RBFOX1: variants seen among roughly 807,000 people sequenced by gnomAD.
The protein encoded by RBFOX1 is RNA binding protein fox-1 homolog 1.
A neutral mutation model predicts 57.7 loss-of-function variants in RBFOX1; 8 were observed. The observed-to-expected ratio is 0.14, with a 90% CI of 0.08 to 0.25. RBFOX1 has a LOEUF of 0.25. Among genes scored for constraint, RBFOX1 ranks in the 10% least tolerant of loss-of-function variants. The pLI, the probability that RBFOX1 is intolerant of heterozygous loss-of-function variation, is 1.00. For synonymous variants in RBFOX1, 326 were observed against 222.4 expected, an observed-to-expected ratio of 1.47 and a Z score of -4.15; for missense variants, 611 against 548.5, an observed-to-expected ratio of 1.11 and a Z score of -1.14.
intron 4 of RBFOX1, among the ~76,000 whole-genome samples, chr16:5,984,979 T>A (rs1440777974): frequency 0.01 from 539 of 52,954 alleles, no homozygotes; most frequent in African/African-American, 0.024. Flanking sequence ...TATATATATT[T>A]TTTTTTTTTT....
intron 2 of RBFOX1, among the ~76,000 whole-genome samples, chr16:6,557,078 TATATACATAC>T (rs1173241809): frequency 3.2e-4 from 47 of 147,092 alleles, no homozygotes; most frequent in African/African-American, 1.1e-3. Context: ...CATATATACA[TATATACATAC>T]ATATACATAT....
At chr16:6,242,591 G>T (rs1427593042) in intron 1 of RBFOX1, among the ~76,000 whole-genome samples, 1 of 145,464 alleles carries the variant, frequency 6.9e-6, no homozygotes, top group Non-Finnish European at 1.5e-5. Context: ...TGCTTGTTAG[G>T]CATTTACGTT....
Position 7,303,909 on chromosome 16 carries a change from G to T in RBFOX1, c.28-214238G>T, listed in dbSNP as rs897627791. 1.4e-5 allele frequency among the ~76,000 whole-genome samples: 2 copies of T among 148,062 alleles called. 1 individual carries two copies. Among genetic ancestry groups the T allele is most frequent in the African/African-American group, 4.9e-5 (2 of 40,510 alleles). On this transcript the variant is annotated intron_variant, in intron 4 of 15. Coordinates refer to ENST00000550418, the MANE Select transcript of RBFOX1 (RefSeq NM_018723.4). ...CATTCAGCCTCTTCGGGAGGGCAGC[G>T]CATCCCCTGCCCCTTCCAGAGAAGT...
At chr16:7,118,102 G>C (rs962946295) in intron 4 of RBFOX1, among the ~76,000 whole-genome samples, 5 of 152,122 alleles carry the variant, frequency 3.3e-5, no homozygotes, top group African/African-American at 1.2e-4. Context: ...CCAGTAGTGG[G>C]ATTAACTGGA....
intron 3 of RBFOX1, among the ~76,000 whole-genome samples, chr16:6,933,365 A>C (rs1199019678): frequency 6.6e-6 from 1 of 152,208 alleles, no homozygotes; most frequent in African/African-American, 2.4e-5. Flanking sequence ...GCAGTGCACA[A>C]GGGTTCCAAT....
intron 3 of RBFOX1, among the ~76,000 whole-genome samples, chr16:6,933,228 T>C (rs1037084075): frequency 6.6e-6 from 1 of 152,216 alleles, no homozygotes; most frequent in Non-Finnish European, 1.5e-5. Context: ...TCAGAGTCCC[T>C]GCTTTCAGTT....
At chr16:7,150,642 T>C (rs1000680110) in intron 4 of RBFOX1, among the ~76,000 whole-genome samples, 1 of 152,154 alleles carries the variant, frequency 6.6e-6, no homozygotes, top group African/African-American at 2.4e-5. Flanking sequence ...ACGACTGCTG[T>C]CTCCTCCAGG....
At chr16:6,569,259 C>A (rs1428100735) in intron 2 of RBFOX1, among the ~76,000 whole-genome samples, 2 of 152,152 alleles carry the variant, frequency 1.3e-5, no homozygotes, top group Non-Finnish European at 2.9e-5. Flanking sequence ...CAAAGTTAGC[C>A]TCTCAAAACA....
intron 2 of RBFOX1, among the ~76,000 whole-genome samples, chr16:5,472,066 C>G (rs544174234): frequency 6.6e-6 from 1 of 152,246 alleles, no homozygotes; most frequent in South Asian, 2.1e-4. Context: ...TGACTTCTGA[C>G]GGATGCTCTT....
chr16:6,519,633 G>A (rs2096461307), intron 2 of RBFOX1, among the ~76,000 whole-genome samples: 1 of 152,110 alleles, frequency 6.6e-6, no homozygotes, highest in African/African-American at 2.4e-5. Context: ...CCCGGGAGGT[G>A]GAGGTTGCAG....
At chr16:7,629,470 CA>C (rs1380235252) in intron 10 of RBFOX1, among the ~76,000 whole-genome samples, 1 of 152,144 alleles carries the variant, frequency 6.6e-6, no homozygotes, top group African/African-American at 2.4e-5. Context: ...GCGGTCCTGA[CA>C]GGGGAATCCA....
At chr16:5,450,114 AGAAAGGG>A in intron 1 of RBFOX1, among the ~76,000 whole-genome samples, 1 of 152,342 alleles carries the variant, frequency 6.6e-6, no homozygotes, top group Admixed American at 6.5e-5. Flanking sequence ...TGTGCAAATA[AGAAAGGG>A]TTGGGCAGGA....
intron 2 of RBFOX1, among the ~76,000 whole-genome samples, chr16:6,432,631 G>C (rs903850859): frequency 6.6e-6 from 1 of 152,034 alleles, no homozygotes; most frequent in Admixed American, 6.6e-5. Context: ...GCAGTGAGCC[G>C]AGATCGCAGC....
intron 3 of RBFOX1, among the ~76,000 whole-genome samples, chr16:6,984,152 C>G (rs886109853): frequency 6.6e-6 from 1 of 152,134 alleles, no homozygotes; most frequent in South Asian, 2.1e-4. Context: ...GAGGCTGAGG[C>G]AGGACAATTG....
chr16:5,986,903 C>T (rs1199455046), intron 4 of RBFOX1, among the ~76,000 whole-genome samples: 1 of 152,102 alleles, frequency 6.6e-6, no homozygotes, highest in East Asian at 1.9e-4. Context: ...CGTACAACTG[C>T]CGGATCGTGT....
chr16:7,694,018 C>CCTGT (rs199836360), intron 14 of RBFOX1, among the ~76,000 whole-genome samples: 1,694 of 152,282 alleles, frequency 0.011, 11 homozygotes, highest in East Asian at 0.024. Context: ...CAAAATAACA[C>CCTGT]CTGTCTTTTT....
chr16:5,326,926 G>A (rs1228509158), intron 1 of RBFOX1, among the ~76,000 whole-genome samples: 1 of 152,174 alleles, frequency 6.6e-6, no homozygotes, highest in Non-Finnish European at 1.5e-5. Context: ...TATCGAGCCA[G>A]GCACTGTCCT....
rs78552178 is a variant in RBFOX1 at position 5,296,467 on chromosome 16, C to G, written c.219+56362C>G. Among the ~76,000 whole-genome samples the G allele has an allele frequency of 2.0e-3, 304 of 151,860 alleles. 2 individuals carry two copies. The highest frequency in any genetic ancestry group is 6.9e-3 in the African/African-American group (287 of 41,384). ...TTGAAAAGTATGTGGATGTTCTGGG[C>G]CAGATACTGTGCTTTGTTCCAGGGA... On this transcript the variant is annotated intron_variant, in intron 1 of 2. Transcript: ENST00000585867.
intron 5 of RBFOX1, among the ~76,000 whole-genome samples, chr16:7,570,090 A>G (rs1227847142): frequency 6.6e-6 from 1 of 152,154 alleles, no homozygotes; most frequent in Middle Eastern, 3.2e-3. Flanking sequence ...AATATAAAAT[A>G]TCTTTTACAT....
Sources: gnomAD v4.1 joint callset for allele counts (sites outside exome capture counted in the v4.1 genomes callset) on GRCh38, gnomAD v4.1.1 for gene constraint, MANE v1.5 for transcripts, NCBI Gene and HGNC (gene_info 2026-07-23, HGNC 2026-07-21) for gene names.